Variants in CACNA1E observed in about 807,000 individuals in gnomAD.
CACNA1E encodes voltage-dependent R-type calcium channel subunit alpha-1E.
In CACNA1E, 40 loss-of-function variants were observed where a neutral mutation model predicts 259.2. The observed-to-expected ratio is 0.15, with a 90% CI of 0.12 to 0.20. The LOEUF is 0.20. Ranked by LOEUF, CACNA1E falls within the 10% of genes least tolerant of loss-of-function variation. CACNA1E has a pLI of 1.00. For synonymous variants in CACNA1E, 1,104 were observed against 1,138.5 expected, an observed-to-expected ratio of 0.97 and a Z score of 0.61; for missense variants, 1,874 against 3,040.1, an observed-to-expected ratio of 0.62 and a Z score of 9.02.
intron 3 of CACNA1E, among the ~76,000 whole-genome samples, chr1:181,525,377 C>T (rs1055173600): frequency 3.9e-5 from 6 of 152,240 alleles, no homozygotes; most frequent in Non-Finnish European, 7.3e-5. Flanking sequence ...AGCCATTGAA[C>T]TGTTGTTGCC....
intron 1 of CACNA1E, among the ~76,000 whole-genome samples, chr1:181,499,646 C>T (rs570227985): frequency 1.2e-4 from 18 of 152,312 alleles, no homozygotes; most frequent in Middle Eastern, 6.8e-3. Flanking sequence ...CTCCAGCATT[C>T]GAAGCCTGGC....
chr1:181,456,361 C>T (rs1571912502), intron 2 of CACNA1E, among the ~76,000 whole-genome samples: 1 of 152,146 alleles, frequency 6.6e-6, no homozygotes, highest in African/African-American at 2.4e-5. Context: ...GTGTTCTGGA[C>T]TAGGAGGAGT....
chr1:181,755,617 A>C (rs1031298072), intron 28 of CACNA1E, among the ~76,000 whole-genome samples: 1 of 152,164 alleles, frequency 6.6e-6, no homozygotes, highest in Non-Finnish European at 1.5e-5. Context: ...GACATTTTAC[A>C]CTCGAGTTTT....
intron 44 of CACNA1E, among the ~76,000 whole-genome samples, chr1:181,792,791 T>C (rs1016875911): frequency 6.6e-6 from 1 of 152,230 alleles, no homozygotes; most frequent in Non-Finnish European, 1.5e-5. Context: ...ACATCTCTCA[T>C]ACAGCTCTTT....
intron 1 of CACNA1E, among the ~76,000 whole-genome samples, chr1:181,409,799 AAGATG>A (rs1657719897): frequency 6.6e-6 from 1 of 152,236 alleles, no homozygotes; most frequent in Non-Finnish European, 1.5e-5. Context: ...TCTTAAAGGA[AAGATG>A]AGATAATTTC....
rs1351434091 is a variant in CACNA1E at position 181,752,193 on chromosome 1, G to A, written c.3782G>A (p.Arg1261Gln). ...IKTIKSLRVL[R>Q]VLRPLKTIKR... is the part of the protein sequence containing the mutation. Reference sequence around the variant, plus strand: ...ACCATCAAGTCTCTGCGGGTGCTCCGAGTTCTAAGGCCACTGAAAACCATC... The same window carrying A: ...ACCATCAAGTCTCTGCGGGTGCTCCAAGTTCTAAGGCCACTGAAAACCATC... Residue 1261 changes from arginine to glutamine, a missense_variant, in exon 27 of 48, where the codon CGA (arginine) becomes CAA (glutamine). Physicochemically the swap from Arg to Gln is conservative, Grantham distance 43. Transcript: ENST00000367573. 6.2e-7 allele frequency: 1 copy of A among 1,613,942 alleles called. No individual in the cohort carries two copies. The highest frequency in any genetic ancestry group is 8.5e-7 in the Non-Finnish European group (1 of 1,179,856).
intron 2 of CACNA1E, among the ~76,000 whole-genome samples, chr1:181,445,270 A>G (rs1196761700): frequency 1.3e-5 from 2 of 152,264 alleles, no homozygotes; most frequent in East Asian, 3.8e-4. Flanking sequence ...GAAAACAAAG[A>G]TTAAAATACA....
At chr1:181,434,492 A>T (rs1659940564) in intron 2 of CACNA1E, among the ~76,000 whole-genome samples, 1 of 152,108 alleles carries the variant, frequency 6.6e-6, no homozygotes, top group East Asian at 1.9e-4. Context: ...GACATGATCA[A>T]TAAGCAGGGT....
chr1:181,743,340 T>C (rs969828159), intron 25 of CACNA1E, among the ~76,000 whole-genome samples: 3 of 152,250 alleles, frequency 2.0e-5, no homozygotes, highest in African/African-American at 7.2e-5. Flanking sequence ...TGTGATTTCA[T>C]GTGAAAGGAC....
chr1:181,370,251 A>G (rs1288671634), intron 1 of CACNA1E, among the ~76,000 whole-genome samples: 2 of 150,554 alleles, frequency 1.3e-5, no homozygotes, highest in Non-Finnish European at 3.0e-5. Flanking sequence ...CTAACTATTC[A>G]CACTTGTATT....
intron 25 of CACNA1E, among the ~76,000 whole-genome samples, chr1:181,739,566 C>A (rs1170497530): frequency 6.6e-6 from 1 of 152,138 alleles, no homozygotes; most frequent in Non-Finnish European, 1.5e-5. Context: ...TGTTTCCATG[C>A]ATTCAGCAAT....
chr1:181,770,381 TGTGTCTGGGAGTTCATCATTACTCA>T (rs1659401309), intron 35 of CACNA1E, among the ~76,000 whole-genome samples: 1 of 152,174 alleles, frequency 6.6e-6, no homozygotes, highest in Admixed American at 6.5e-5. Flanking sequence ...CAGGCAGTGC[TGTGTCTGGGAGTTCATCATTACTCA>T]GTCTCTGTGG....
At chr1:181,476,821 G>A (rs1438321768) in intron 2 of CACNA1E, among the ~76,000 whole-genome samples, 2 of 152,146 alleles carry the variant, frequency 1.3e-5, no homozygotes, top group Admixed American at 1.3e-4. Context: ...GTGGGAGCTG[G>A]GGCGCTGCTG....
chr1:181,358,025 G>A (rs1653583868), intron 1 of CACNA1E, among the ~76,000 whole-genome samples: 1 of 152,196 alleles, frequency 6.6e-6, no homozygotes, highest in Non-Finnish European at 1.5e-5. Context: ...AAAGTGGGAG[G>A]TTTGGTCCTC....
chr1:181,437,618 A>T (rs1660182157), intron 2 of CACNA1E, among the ~76,000 whole-genome samples: 1 of 152,158 alleles, frequency 6.6e-6, no homozygotes, highest in South Asian at 2.1e-4. Context: ...TTCTCAGAGT[A>T]CTTAGACTCT....
intron 1 of CACNA1E, among the ~76,000 whole-genome samples, chr1:181,363,784 A>T (rs528823205): frequency 6.6e-6 from 1 of 152,346 alleles, no homozygotes; most frequent in South Asian, 2.1e-4. Flanking sequence ...GGTGCCAGCC[A>T]TCAGAAACAA....
In CACNA1E at chr1:181,716,173, C is replaced by T. The variant is rs548919740; in HGVS notation, c.1315+44C>T. 5.8e-5 allele frequency: 72 copies of T among 1,243,254 alleles called. 1 individual carries two copies. The highest frequency in any genetic ancestry group is 3.3e-4 in the East Asian group (13 of 39,154). The allele number at this position is 1,243,254 out of a possible 1,614,324, so 77.0% of individuals were successfully genotyped here. The stretch of plus-strand genomic sequence containing the variant: ...ATCTTTTACTGCTCTGAATCTCCCA[C>T]GAAAAGGAAGATCCTGTCTTTTGAG... On this transcript the variant is annotated intron_variant, in intron 10 of 47. Coordinates refer to ENST00000367573, the MANE Select transcript of CACNA1E (RefSeq NM_001205293.3).
intron 3 of CACNA1E, among the ~76,000 whole-genome samples, chr1:181,526,683 G>C (rs1026172973): frequency 6.6e-6 from 1 of 152,162 alleles, no homozygotes; most frequent in Non-Finnish European, 1.5e-5. Flanking sequence ...AGCCTGGCAA[G>C]ATGCAAGGAA....
chr1:181,530,634 A>G (rs1353050205), intron 3 of CACNA1E, among the ~76,000 whole-genome samples: 3 of 152,218 alleles, frequency 2.0e-5, no homozygotes, highest in Non-Finnish European at 4.4e-5. Context: ...AGAACCATCG[A>G]AGAGACTAAA....
Sources: gnomAD v4.1 joint callset for allele counts (sites outside exome capture counted in the v4.1 genomes callset) on GRCh38, gnomAD v4.1.1 for gene constraint, MANE v1.5 for transcripts, NCBI Gene and HGNC (gene_info 2026-07-23, HGNC 2026-07-21) for gene names.